MALRD1: variants seen among roughly 807,000 people sequenced by gnomAD.
MALRD1 encodes the protein MAM and LDL-receptor class A domain-containing protein 1.
A neutral mutation model predicts 242.1 loss-of-function variants in MALRD1; 247 were observed. The observed-to-expected ratio is 1.02, with a 90% confidence interval of 0.92 to 1.13. The LOEUF (loss-of-function observed/expected upper bound fraction) is 1.13. Ranked by LOEUF, MALRD1 falls within the 50% of genes most tolerant of loss-of-function variation. The pLI is 0.00. For missense variants in MALRD1, 2,989 were observed against 2,533.1 expected (o/e 1.18, Z -3.86); for synonymous variants, 995 against 866.6 (o/e 1.15, Z -2.60).
chr10:19,599,435 G>A (rs76596272), intron 34 of MALRD1, among the ~76,000 whole-genome samples: 21 of 151,648 alleles, frequency 1.4e-4, no homozygotes, highest in East Asian at 7.7e-4. Context: ...TCCCCTTTTC[G>A]TAAAAATATA....
At chr10:19,327,762 C>A in intron 23 of MALRD1, 89 bp downstream of exon 23, 1 of 1,053,338 alleles carries the variant, frequency 9.5e-7, no homozygotes, top group Middle Eastern at 2.0e-4. Flanking sequence ...AGTCTTCTTG[C>A]CCCCATTCCC....
At chr10:19,158,811 C>A (rs575122780) in intron 12 of MALRD1, among the ~76,000 whole-genome samples, 1 of 152,298 alleles carries the variant, frequency 6.6e-6, no homozygotes, top group East Asian at 1.9e-4. Context: ...ATAATAATAA[C>A]ACTCTACAAA....
At chr10:19,650,661 A>G (rs1261252490) in intron 36 of MALRD1, among the ~76,000 whole-genome samples, 3 of 152,160 alleles carry the variant, frequency 2.0e-5, no homozygotes, top group African/African-American at 4.8e-5. Flanking sequence ...GTAAAGTAGG[A>G]GATAGGGAGT....
At chr10:19,303,227 C>A (rs1158008456) in intron 21 of MALRD1, among the ~76,000 whole-genome samples, 5 of 151,490 alleles carry the variant, frequency 3.3e-5, no homozygotes, top group Admixed American at 1.3e-4. Context: ...CCAAAACAAG[C>A]AAGCTGGCAT....
At chr10:19,158,084 C>G (rs1834243079) in intron 12 of MALRD1, among the ~76,000 whole-genome samples, 1 of 152,094 alleles carries the variant, frequency 6.6e-6, no homozygotes, top group Non-Finnish European at 1.5e-5. Context: ...ACGAGGGAGC[C>G]CAAAGCTATT....
chr10:19,362,181 C>G, intron 26 of MALRD1, among the ~76,000 whole-genome samples: 1 of 152,048 alleles, frequency 6.6e-6, no homozygotes, highest in East Asian at 1.9e-4. Flanking sequence ...TTTATAAACT[C>G]TCTGGTTATC....
At chr10:19,119,027 T>A (rs1294438325) in intron 5 of MALRD1, among the ~76,000 whole-genome samples, 4 of 152,074 alleles carry the variant, frequency 2.6e-5, no homozygotes, top group Non-Finnish European at 5.9e-5. Flanking sequence ...AAAGAGATGA[T>A]GTTTCCTGAG....
At chr10:19,318,885 A>G (rs2132019321) in intron 21 of MALRD1, among the ~76,000 whole-genome samples, 1 of 152,184 alleles carries the variant, frequency 6.6e-6, no homozygotes, top group African/African-American at 2.4e-5. Context: ...AAAGCAATAA[A>G]TATATCAACA....
At chr10:19,391,928 C>G (rs1381332755) in intron 28 of MALRD1, among the ~76,000 whole-genome samples, 2 of 152,190 alleles carry the variant, frequency 1.3e-5, no homozygotes, top group Non-Finnish European at 2.9e-5. Context: ...GGAGCCAACC[C>G]TTATTTAGGA....
At chr10:19,340,664 A>T (rs756279263) in intron 24 of MALRD1, among the ~76,000 whole-genome samples, 70 of 152,176 alleles carry the variant, frequency 4.6e-4, no homozygotes, top group Non-Finnish European at 3.1e-4. Flanking sequence ...TAATAAAAAA[A>T]TCAACCAAAC....
rs71387049 is a variant in MALRD1 at position 19,171,429 on chromosome 10, C to CATAT, written c.1831-3753_1831-3750dup. ...GTCACAACATTTTATATTTTATATA[C>CATAT]ATATATATATATATATATATATATA... is the stretch of plus-strand genomic sequence containing the variant. On this transcript the variant is annotated intron_variant, in intron 13 of 39. Coordinates refer to ENST00000454679, the MANE Select transcript of MALRD1 (RefSeq NM_001142308.3). 6.5e-3 allele frequency among the ~76,000 whole-genome samples: 398 copies of CATAT among 61,398 alleles called. 3 individuals carry two copies. Among genetic ancestry groups the CATAT allele is most frequent in the Non-Finnish European group, 8.4e-3 (253 of 30,150 alleles). 40.3% of individuals were successfully genotyped at this position (61,398 alleles called of 152,430 possible).
chr10:19,283,333 A>G (rs2131889129), intron 21 of MALRD1, among the ~76,000 whole-genome samples, 152 bp downstream of exon 21: 1 of 152,314 alleles, frequency 6.6e-6, no homozygotes, highest in South Asian at 2.1e-4. Context: ...TACAAAATGG[A>G]AAAATTATCA....
chr10:19,339,048 AC>A (rs1206792080), intron 24 of MALRD1, among the ~76,000 whole-genome samples: 1 of 151,744 alleles, frequency 6.6e-6, no homozygotes, highest in Non-Finnish European at 1.5e-5. Flanking sequence ...ACACACACAC[AC>A]ACACACATAA....
intron 1 of MALRD1, among the ~76,000 whole-genome samples, chr10:19,064,911 G>A (rs1336000806): frequency 6.6e-6 from 1 of 152,000 alleles, no homozygotes; most frequent in African/African-American, 2.4e-5. Context: ...GTGGGGTGTT[G>A]GCAACTGCAG....
At chr10:19,546,064 G>A (rs1413691041) in intron 32 of MALRD1, among the ~76,000 whole-genome samples, 8 of 152,064 alleles carry the variant, frequency 5.3e-5, no homozygotes, top group Non-Finnish European at 8.8e-5. Context: ...TCTGTTAACT[G>A]TCTTTCCCAT....
At chr10:19,559,046 G>C (rs575561103) in intron 32 of MALRD1, among the ~76,000 whole-genome samples, 26 of 152,066 alleles carry the variant, frequency 1.7e-4, no homozygotes, top group African/African-American at 6.0e-4. Flanking sequence ...AGCCAGGCAT[G>C]ATGGTGGGCA....
At chr10:19,324,425 C>T (rs539649649) in intron 22 of MALRD1, among the ~76,000 whole-genome samples, 1 of 152,130 alleles carries the variant, frequency 6.6e-6, no homozygotes, top group East Asian at 1.9e-4. Flanking sequence ...TAAATATATA[C>T]ACTTGGGTAA....
Position 19,124,623 on chromosome 10 carries a change from C to T in MALRD1, c.896C>T (p.Pro299Leu). Residue 299 changes from proline to leucine, a missense_variant, in exon 7 of 40, where the codon CCT becomes CTT. Physicochemically the swap from Pro to Leu is moderately conservative, Grantham distance 98 (BLOSUM62 -3). Coordinates refer to ENST00000454679, the MANE Select transcript of MALRD1 (RefSeq NM_001142308.3). The part of the protein sequence containing the change: ...SWMRTKAREI[P>L]AFESTPQQDQ... Reference sequence around the variant, plus strand: ...ATGCGCACAAAAGCGAGAGAGATCCCTGCATTCGAATCCACACCTCAGCAG... The same window carrying T: ...ATGCGCACAAAAGCGAGAGAGATCCTTGCATTCGAATCCACACCTCAGCAG... 2 of 1,233,766 alleles carry T rather than the reference C, an allele frequency of 1.6e-6. No homozygotes were observed. Among genetic ancestry groups the T allele is most frequent in the South Asian group, 4.1e-5 (1 of 24,404 alleles). 76.4% of individuals were successfully genotyped at this position (1,233,766 alleles called of 1,614,324 possible).
chr10:19,282,182 G>T (rs978266339), intron 20 of MALRD1, among the ~76,000 whole-genome samples: 2 of 152,026 alleles, frequency 1.3e-5, no homozygotes, highest in Admixed American at 1.3e-4. Context: ...AGATATATTG[G>T]ATCCTAAATC....
Sources: allele counts gnomAD v4.1 joint callset (sites outside exome capture counted in the v4.1 genomes callset), GRCh38; gene constraint gnomAD v4.1.1; transcripts MANE v1.5; gene names NCBI Gene and HGNC (gene_info 2026-07-23, HGNC 2026-07-21).